The following VWA8 variants were observed in gnomAD, a reference collection of about 807,000 sequenced individuals.
VWA8 encodes the protein von Willebrand factor A domain containing 8, also known as von Willebrand factor A domain-containing protein 8.
In VWA8, 221 loss-of-function variants were observed where a neutral mutation model predicts 241.5. The observed-to-expected ratio is 0.91, with a 90% CI of 0.82 to 1.02. The LOEUF is 1.02. VWA8 is among the 50% of genes least tolerant of loss of function. The pLI is 0.00. For missense variants in VWA8, 2,322 were observed against 2,328.7 expected, an observed-to-expected ratio of 1.00 and a Z score of 0.06; for synonymous variants, 852 against 827.1, an observed-to-expected ratio of 1.03 and a Z score of -0.52.
chr13:41,636,316 A>G (rs1400829951), intron 37 of VWA8, among the ~76,000 whole-genome samples: 1 of 152,258 alleles, frequency 6.6e-6, no homozygotes, highest in Admixed American at 6.5e-5. Context: ...GACAAAAACA[A>G]GAAATGGGGA....
chr13:41,816,100 T>G (rs1870677347), intron 16 of VWA8, among the ~76,000 whole-genome samples: 1 of 152,194 alleles, frequency 6.6e-6, no homozygotes, highest in Non-Finnish European at 1.5e-5. Flanking sequence ...TTTACAATGA[T>G]CTCGGTGTAT....
chr13:41,568,297 C>A lies in VWA8; in HGVS notation c.5618G>T (p.Arg1873Ile), dbSNP rs2044275278. The A allele has an allele frequency of 6.2e-7, 1 of 1,613,924 alleles. No individual in the cohort carries two copies. Among genetic ancestry groups the A allele is most frequent in the African/African-American group, 1.3e-5 (1 of 74,926 alleles). The stretch of plus-strand genomic sequence containing the variant: ...GAAAGACCGACCAGCTGGTAAAGTT[C>A]TCTGAAGCCTGCCAGGATGGAAAGG... ...SLGDQATRLQ[R>I]TLPAGRSFVA... The change falls in exon 45 of 45, where the codon AGA (arginine) becomes ATA (isoleucine). Residue 1873 changes from arginine (R) to isoleucine (I), a missense_variant. By Grantham distance (97) the Arg-to-Ile change is moderately conservative. Coordinates refer to ENST00000379310, the MANE Select transcript of VWA8 (RefSeq NM_015058.2).
At chr13:41,897,014 T>C (rs577079425) in intron 4 of VWA8, among the ~76,000 whole-genome samples, 30 of 152,232 alleles carry the variant, frequency 2.0e-4, no homozygotes, top group African/African-American at 4.3e-4. Flanking sequence ...CTGTGAAGGA[T>C]TGGCAAAAAA....
chr13:41,785,628 C>A (rs1004647843), intron 18 of VWA8, among the ~76,000 whole-genome samples: 36 of 152,238 alleles, frequency 2.4e-4, no homozygotes, highest in Non-Finnish European at 4.9e-4. Flanking sequence ...CTGTGGAGTG[C>A]TACACATTTG....
At chr13:41,925,841 G>C (rs1396851260) in intron 2 of VWA8, 4 of 307,780 alleles carry the variant, frequency 1.3e-5, no homozygotes, top group African/African-American at 2.2e-5. Flanking sequence ...TCCATAGTCA[G>C]GCAGTTTATC....
At chr13:41,721,294 C>T in intron 25 of VWA8, 76 bp downstream of exon 25, 1 of 1,442,534 alleles carries the variant, frequency 6.9e-7, no homozygotes, top group East Asian at 2.3e-5. Flanking sequence ...ATTAAAAACT[C>T]TGGTACAAAC....
chr13:41,830,882 G>C (rs1047522464), intron 13 of VWA8, among the ~76,000 whole-genome samples: 3 of 151,956 alleles, frequency 2.0e-5, no homozygotes, highest in Non-Finnish European at 4.4e-5. Context: ...AGAGGGGGAG[G>C]AGGAGGAAAA....
intron 20 of VWA8, among the ~76,000 whole-genome samples, chr13:41,765,402 T>C (rs575898963): frequency 6.6e-6 from 1 of 152,160 alleles, no homozygotes; most frequent in Non-Finnish European, 1.5e-5. Context: ...AAAATAGAGA[T>C]CTCATCAAGT....
At chr13:41,917,420 T>C (rs1228440675) in intron 2 of VWA8, among the ~76,000 whole-genome samples, 1 of 152,242 alleles carries the variant, frequency 6.6e-6, no homozygotes, top group Non-Finnish European at 1.5e-5. Context: ...TTATTTTCTT[T>C]TTTAAATTTT....
chr13:41,948,751 A>G (rs532275670), intron 2 of VWA8, among the ~76,000 whole-genome samples: 2 of 152,310 alleles, frequency 1.3e-5, no homozygotes, highest in African/African-American at 4.8e-5. Context: ...CAACAGAAGT[A>G]AAAACTGATA....
intron 17 of VWA8, among the ~76,000 whole-genome samples, chr13:41,809,951 AT>A (rs534466665): frequency 8.5e-4 from 130 of 152,296 alleles, no homozygotes; most frequent in African/African-American, 3.0e-3. Context: ...CTGAATAGAA[AT>A]TTCTCAAAAG....
At chr13:41,872,892 T>A (rs1873703589) in intron 9 of VWA8, among the ~76,000 whole-genome samples, 1 of 152,152 alleles carries the variant, frequency 6.6e-6, no homozygotes, top group Admixed American at 6.5e-5. Context: ...ATAAATTACC[T>A]TGGGCAGTAT....
At chr13:41,570,742 G>A (rs761757790) in intron 43 of VWA8, 36 bp from the exon 44 acceptor site, 3 of 1,577,146 alleles carry the variant, frequency 1.9e-6, no homozygotes, top group Admixed American at 3.4e-5. Flanking sequence ...AGCCATGGCT[G>A]AGAAACTTCT....
At chr13:41,574,048 C>T (rs1305377348) in intron 43 of VWA8, among the ~76,000 whole-genome samples, 1 of 152,210 alleles carries the variant, frequency 6.6e-6, no homozygotes, top group East Asian at 1.9e-4. Context: ...TTATGCATTG[C>T]ATGCCCGTAT....
At chr13:41,697,146 C>T (rs185606730) in intron 29 of VWA8, among the ~76,000 whole-genome samples, 7 of 152,284 alleles carry the variant, frequency 4.6e-5, no homozygotes, top group East Asian at 1.9e-4. Context: ...CTAAATTTTA[C>T]GGTTGTCCTT....
chr13:41,695,611 C>T (rs1007893850), intron 29 of VWA8, among the ~76,000 whole-genome samples: 1 of 152,090 alleles, frequency 6.6e-6, no homozygotes, highest in African/African-American at 2.4e-5. Context: ...AAATAAGATA[C>T]TCTCTCCGGG....
intron 35 of VWA8, among the ~76,000 whole-genome samples, chr13:41,684,221 T>C (rs1261874371): frequency 6.6e-6 from 1 of 152,172 alleles, no homozygotes; most frequent in Non-Finnish European, 1.5e-5. Flanking sequence ...CCAAATGTTA[T>C]CATATAATCA....
In VWA8 at chr13:41,811,269, A is replaced by G. The variant is rs1566466625; in HGVS notation, c.2019T>C (p.Pro673=). The G allele has an allele frequency of 6.2e-7, 1 of 1,610,888 alleles. No individual in the cohort carries two copies. Among genetic ancestry groups the G allele is most frequent in the African/African-American group, 1.3e-5 (1 of 75,004 alleles). Residue 673 remains proline, a synonymous_variant, in exon 17 of 45, where the codon CCT becomes CCC. Transcript: ENST00000379310. ...TAACAGCACTGTGAAGATTTTCATT[A>G]GGATACTGTGACAGCCGACGAGAAA... ...LRISRRLSQY[P]NENLHSAVTK... is the part of the protein sequence containing the mutation.
At chr13:41,939,781 T>C (rs1042723219) in intron 2 of VWA8, among the ~76,000 whole-genome samples, 43 of 152,326 alleles carry the variant, frequency 2.8e-4, no homozygotes, top group African/African-American at 9.9e-4. Context: ...CTTAGCAGGA[T>C]TTCTACCATT....
Sources: allele counts gnomAD v4.1 joint callset (sites outside exome capture counted in the v4.1 genomes callset), GRCh38; gene constraint gnomAD v4.1.1; transcripts MANE v1.5; gene names NCBI Gene and HGNC (gene_info 2026-07-23, HGNC 2026-07-21).